TP63: variants seen among roughly 807,000 people sequenced by gnomAD.
The protein encoded by TP63 is tumor protein 63.
In TP63, 17 loss-of-function variants were observed where a neutral mutation model predicts 82.8. That is an observed-to-expected ratio of 0.21 (90% CI 0.14 to 0.31). The LOEUF is 0.31. TP63 is among the 10% of genes least tolerant of loss of function. The pLI, the probability that TP63 is intolerant of heterozygous loss-of-function variation, is 1.00. For synonymous variants in TP63, 330 were observed against 321.7 expected (o/e 1.03, Z -0.28); for missense variants, 648 against 895.3 (o/e 0.72, Z 3.52).
At chr3:189,862,876 A>G (rs1005452339) in intron 4 of TP63, among the ~76,000 whole-genome samples, 4 of 152,212 alleles carry the variant, frequency 2.6e-5, no homozygotes, top group African/African-American at 4.8e-5. Context: ...CGTCTAATCC[A>G]TGGCCTGCGG....
intron 1 of TP63, chr3:189,645,510 A>G (rs1712343970): frequency 5.5e-6 from 1 of 180,716 alleles, no homozygotes; most frequent in African/African-American, 2.4e-5. Flanking sequence ...TTTTTTTATT[A>G]TTTATTTTAT....
At chr3:189,735,813 T>C (rs1009315041) in intron 1 of TP63, among the ~76,000 whole-genome samples, 15 of 152,090 alleles carry the variant, frequency 9.9e-5, no homozygotes, top group African/African-American at 3.4e-4. Flanking sequence ...ACTCCACACG[T>C]GTGATAAAAT....
At chr3:189,811,847 G>A (rs1346408153) in intron 4 of TP63, among the ~76,000 whole-genome samples, 1 of 152,168 alleles carries the variant, frequency 6.6e-6, no homozygotes, top group Admixed American at 6.5e-5. Context: ...TTTGAGACCA[G>A]GGAGGGGCAT....
chr3:189,690,481 T>A (rs1716830031), intron 1 of TP63, among the ~76,000 whole-genome samples: 1 of 152,188 alleles, frequency 6.6e-6, no homozygotes, highest in African/African-American at 2.4e-5. Context: ...AATTCTGTGG[T>A]CTCTCCAGCT....
At chr3:189,687,431 T>C (rs1273487709) in intron 1 of TP63, among the ~76,000 whole-genome samples, 1 of 152,198 alleles carries the variant, frequency 6.6e-6, no homozygotes, top group Non-Finnish European at 1.5e-5. Flanking sequence ...TATTTTATCT[T>C]TGATGCTTGC....
intron 1 of TP63, among the ~76,000 whole-genome samples, chr3:189,722,910 C>T (rs1719500648): frequency 6.6e-6 from 1 of 152,178 alleles, no homozygotes; most frequent in African/African-American, 2.4e-5. Flanking sequence ...TATTAAAGTG[C>T]TCTGTCTTTA....
At chr3:189,794,236 A>G (rs1234346058) in intron 3 of TP63, among the ~76,000 whole-genome samples, 1 of 152,106 alleles carries the variant, frequency 6.6e-6, no homozygotes, top group Non-Finnish European at 1.5e-5. Context: ...AATTATATGT[A>G]AAATGGTATA....
chr3:189,740,591 C>CA (rs1456157056), intron 3 of TP63, among the ~76,000 whole-genome samples: 5 of 152,134 alleles, frequency 3.3e-5, no homozygotes, highest in African/African-American at 1.2e-4. Context: ...CCTCCGCCTC[C>CA]TGGGTTCAAG....
chr3:189,647,018 A>G (rs1372183158), intron 1 of TP63, among the ~76,000 whole-genome samples: 2 of 147,116 alleles, frequency 1.4e-5, no homozygotes, highest in Admixed American at 6.7e-5. Context: ...CTGGGTAACT[A>G]ATGGTGACTC....
rs201948378 is a variant in TP63 at position 189,715,120 on chromosome 3, C to G, written c.63-22620C>G. On this transcript the variant is annotated intron_variant, in intron 1 of 13. Transcript: ENST00000264731. Reference sequence around the variant, plus strand: ...TCACTTGCCCTCGTTTCCTCCCTTTCTCCTCCCTTCTCCTCTCCTCTCTTT... The same window carrying G: ...TCACTTGCCCTCGTTTCCTCCCTTTGTCCTCCCTTCTCCTCTCCTCTCTTT... 5.3e-5 allele frequency among the ~76,000 whole-genome samples: 8 copies of G among 152,218 alleles called. No homozygotes were observed. The East Asian group carries it at 1.5e-3, about 29-fold the overall frequency.
intron 4 of TP63, among the ~76,000 whole-genome samples, chr3:189,845,788 T>G (rs1382469807): frequency 1.3e-5 from 2 of 150,730 alleles, no homozygotes; most frequent in East Asian, 3.9e-4. Flanking sequence ...GATTTTTTTT[T>G]GTTCCGTGAG....
At chr3:189,826,045 A>G (rs934714288) in intron 4 of TP63, among the ~76,000 whole-genome samples, 1 of 152,222 alleles carries the variant, frequency 6.6e-6, no homozygotes, top group Middle Eastern at 3.2e-3. Context: ...AAAATAGGAA[A>G]TGGTGAGAAA....
chr3:189,760,846 G>T (rs1013765785), intron 3 of TP63, among the ~76,000 whole-genome samples: 4 of 152,180 alleles, frequency 2.6e-5, no homozygotes, highest in Non-Finnish European at 5.9e-5. Flanking sequence ...TACATGTTCT[G>T]AAATCTAGGT....
intron 3 of TP63, among the ~76,000 whole-genome samples, chr3:189,781,384 A>G (rs16864784): frequency 0.12 from 18,015 of 152,120 alleles, 1,172 homozygotes; most frequent in East Asian, 0.32. Flanking sequence ...TTATCCACGG[A>G]TTCCTGATGT....
At chr3:189,751,856 T>C (rs1721848972) in intron 3 of TP63, among the ~76,000 whole-genome samples, 1 of 152,196 alleles carries the variant, frequency 6.6e-6, no homozygotes, top group African/African-American at 2.4e-5. Flanking sequence ...TGGCTTTTGT[T>C]GCCATTGCTT....
intron 3 of TP63, among the ~76,000 whole-genome samples, chr3:189,772,072 T>C (rs1172170231): frequency 6.6e-6 from 1 of 152,208 alleles, no homozygotes; most frequent in Non-Finnish European, 1.5e-5. Flanking sequence ...AAACAAACCA[T>C]TATGATGAAT....
chr3:189,791,417 T>C (rs1044472835), intron 3 of TP63, among the ~76,000 whole-genome samples: 4 of 152,112 alleles, frequency 2.6e-5, no homozygotes, highest in Non-Finnish European at 5.9e-5. Context: ...TTAGAGGATA[T>C]TTGTAGAAAT....
intron 4 of TP63, among the ~76,000 whole-genome samples, chr3:189,833,668 TTC>T (rs1289577904): frequency 1.6e-5 from 2 of 123,368 alleles, no homozygotes; most frequent in Admixed American, 8.4e-5. Flanking sequence ...GGTAGCAATT[TTC>T]TCTCTCTCTT....
At chr3:189,878,112 C>G (rs1037908017) in intron 10 of TP63, among the ~76,000 whole-genome samples, 2 of 152,064 alleles carry the variant, frequency 1.3e-5, no homozygotes, top group Non-Finnish European at 2.9e-5. Context: ...TGGTTATCAT[C>G]AAGAATATTG....
Sources: allele counts gnomAD v4.1 joint callset (sites outside exome capture counted in the v4.1 genomes callset), GRCh38; gene constraint gnomAD v4.1.1; transcripts MANE v1.5; gene names NCBI Gene and HGNC (gene_info 2026-07-23, HGNC 2026-07-21).